Variants in HDAC9 observed in about 807,000 individuals in gnomAD.
HDAC9 encodes histone deacetylase 9, also known as MEF-2 interacting transcription repressor (MITR) protein.
HDAC9 carries 41 observed loss-of-function variants against 139.4 expected under a neutral mutation model. The ratio of observed to expected loss-of-function variants is 0.29; its 90% CI spans 0.23 to 0.38. The LOEUF (loss-of-function observed/expected upper bound fraction) is 0.38. Ranked by LOEUF, HDAC9 falls within the 10% of genes least tolerant of loss-of-function variation. The pLI is 1.00. For missense variants in HDAC9, 1,147 were observed against 1,297.0 expected (o/e 0.88, Z 1.78); for synonymous variants, 517 against 476.2 (o/e 1.09, Z -1.12).
rs181126622 is a variant in HDAC9, at chr7:18,723,784, C to T, written c.1732-3796C>T. ...CTTACGGTATCAAACTACTCATTAA[C>T]AGGAAAAATATTTAGTAACCCCAGT... On this transcript the variant is annotated intron_variant, in intron 12 of 25. Coordinates refer to ENST00000686413, the MANE Select transcript of HDAC9 (RefSeq NM_178425.4). Among the ~76,000 whole-genome samples the T allele has an allele frequency of 3.9e-5, 6 of 151,990 alleles. No individual in the cohort carries two copies. In the East Asian group the frequency reaches 9.7e-4, roughly 24 times the overall value.
chr7:18,519,170 A>G lies in HDAC9; in HGVS notation c.22+22846A>G, dbSNP rs141271244. Reference sequence around the variant, plus strand: ...CATTGTGCCTTGGAAAAATATTTCTATTTATATTAATGAGCTTATGTGATG... The same window carrying G: ...CATTGTGCCTTGGAAAAATATTTCTGTTTATATTAATGAGCTTATGTGATG... On this transcript the variant is annotated intron_variant, in intron 2 of 25. Coordinates refer to ENST00000686413, the MANE Select transcript of HDAC9 (RefSeq NM_178425.4). Among the ~76,000 whole-genome samples the G allele has an allele frequency of 6.1e-3, 928 of 152,332 alleles. 6 individuals are homozygous for G. The highest frequency in any genetic ancestry group is 9.2e-3 in the Non-Finnish European group (627 of 68,020).
At chr7:18,271,404 A>G (rs1796340304) in intron 2 of HDAC9, among the ~76,000 whole-genome samples, 1 of 152,182 alleles carries the variant, frequency 6.6e-6, no homozygotes, top group South Asian at 2.1e-4. Flanking sequence ...ATAACTTAGA[A>G]CATTAGTGGT....
At chr7:18,470,362 T>C (rs1794630133) in intron 1 of HDAC9, among the ~76,000 whole-genome samples, 1 of 152,138 alleles carries the variant, frequency 6.6e-6, no homozygotes, top group Non-Finnish European at 1.5e-5. Context: ...TTTAAGCTAC[T>C]ATAATCTCTA....
intron 2 of HDAC9, among the ~76,000 whole-genome samples, chr7:18,547,487 G>A (rs777240879): frequency 3.3e-5 from 5 of 152,112 alleles, no homozygotes; most frequent in Non-Finnish European, 7.4e-5. Flanking sequence ...TGCCCTCCTC[G>A]GCCTCCCAAA....
chr7:18,982,668 T>A (rs1400586244), intron 25 of HDAC9, among the ~76,000 whole-genome samples: 1 of 152,172 alleles, frequency 6.6e-6, no homozygotes, highest in African/African-American at 2.4e-5. Flanking sequence ...AACTACCGTT[T>A]TACTTTTAAC....
chr7:18,175,561 A>G (rs1477050113), intron 2 of HDAC9, among the ~76,000 whole-genome samples: 4 of 150,982 alleles, frequency 2.6e-5, no homozygotes. Context: ...GGAGCTGCAG[A>G]CTGGAGCTGT....
chr7:18,667,702 A>G (rs1481080534), intron 12 of HDAC9: 1 of 985,128 alleles, frequency 1.0e-6, no homozygotes, highest in African/African-American at 1.7e-5. Flanking sequence ...AATGTAGGAA[A>G]AAAAATCTGA....
chr7:18,483,926 G>A (rs932438038), intron 1 of HDAC9, among the ~76,000 whole-genome samples: 1 of 151,764 alleles, frequency 6.6e-6, no homozygotes, highest in Non-Finnish European at 1.5e-5. Context: ...ACATTTAAAT[G>A]TCTGAAGGCC....
chr7:18,475,217 G>A (rs1377523037), intron 1 of HDAC9, among the ~76,000 whole-genome samples: 1 of 152,146 alleles, frequency 6.6e-6, no homozygotes. Context: ...CTGCAAATGG[G>A]ACAAGAGCCA....
chr7:18,988,221 C>T (rs1785538523), intron 25 of HDAC9, among the ~76,000 whole-genome samples: 2 of 152,232 alleles, frequency 1.3e-5, no homozygotes, highest in Middle Eastern at 3.4e-3. Flanking sequence ...TTTTCCTCTA[C>T]ATACTGCTTT....
At chr7:18,702,131 T>C (rs763499005) in intron 12 of HDAC9, among the ~76,000 whole-genome samples, 16 of 152,302 alleles carry the variant, frequency 1.1e-4, no homozygotes, top group Non-Finnish European at 1.8e-4. Context: ...TAGTCGGATC[T>C]CGCTGACCCG....
chr7:18,499,298 T>C (rs1035034150), intron 2 of HDAC9, among the ~76,000 whole-genome samples: 24 of 152,286 alleles, frequency 1.6e-4, no homozygotes, highest in African/African-American at 5.8e-4. Flanking sequence ...TATTGATGGT[T>C]TTTGTACAGA....
intron 1 of HDAC9, among the ~76,000 whole-genome samples, chr7:18,422,376 CA>C (rs1231581854): frequency 6.6e-6 from 1 of 152,094 alleles, no homozygotes. Flanking sequence ...CAAGCAATAG[CA>C]ACAAGAGATT....
intron 6 of HDAC9, among the ~76,000 whole-genome samples, chr7:18,621,012 G>A (rs1189352802): frequency 6.6e-6 from 1 of 152,116 alleles, no homozygotes; most frequent in Non-Finnish European, 1.5e-5. Context: ...ACACCCAAGT[G>A]TCCAACATTG....
intron 2 of HDAC9, among the ~76,000 whole-genome samples, chr7:18,516,759 G>T (rs1018813819): frequency 6.6e-6 from 1 of 151,770 alleles, no homozygotes; most frequent in Non-Finnish European, 1.5e-5. Context: ...TACTTGGGAG[G>T]CTGAGGCAGG....
chr7:18,492,277 GTGTC>G (rs946578074), upstream of HDAC9, among the ~76,000 whole-genome samples: 6 of 151,956 alleles, frequency 3.9e-5, no homozygotes, highest in African/African-American at 1.4e-4. Context: ...ATGTGGGATT[GTGTC>G]TTTCAGGATT....
chr7:18,867,802 T>C (rs1256808878), intron 21 of HDAC9, among the ~76,000 whole-genome samples: 1 of 152,188 alleles, frequency 6.6e-6, no homozygotes, highest in Non-Finnish European at 1.5e-5. Flanking sequence ...ATTATTTAAA[T>C]ATAGGACTTC....
chr7:18,964,210 C>G (rs1783706154), intron 24 of HDAC9, among the ~76,000 whole-genome samples: 1 of 152,120 alleles, frequency 6.6e-6, no homozygotes, highest in South Asian at 2.1e-4. Flanking sequence ...CTTTCAGTTC[C>G]TCTAGTGTGC....
chr7:18,791,170 GA>G (rs1170818156), intron 16 of HDAC9, among the ~76,000 whole-genome samples: 1 of 152,134 alleles, frequency 6.6e-6, no homozygotes, highest in African/African-American at 2.4e-5. Context: ...TTTTTGGAAG[GA>G]AATTTGCCAC....
Sources: gnomAD v4.1 joint callset for allele counts (sites outside exome capture counted in the v4.1 genomes callset) on GRCh38, gnomAD v4.1.1 for gene constraint, MANE v1.5 for transcripts, NCBI Gene and HGNC (gene_info 2026-07-23, HGNC 2026-07-21) for gene names.